DDR1: variants seen among roughly 807,000 people sequenced by gnomAD.
DDR1 encodes epithelial discoidin domain-containing receptor 1.
A neutral mutation model predicts 97.4 loss-of-function variants in DDR1; 64 were observed. The ratio of observed to expected loss-of-function variants is 0.66; its 90% CI spans 0.54 to 0.81. The LOEUF (loss-of-function observed/expected upper bound fraction) is 0.81. Ranked by LOEUF, DDR1 falls within the 30% of genes least tolerant of loss-of-function variation. The pLI, the probability that DDR1 is intolerant of heterozygous loss-of-function variation, is 0.00. For missense variants in DDR1, 990 were observed against 1,259.6 expected, an observed-to-expected ratio of 0.79 and a Z score of 3.24; for synonymous variants, 458 against 503.7, an observed-to-expected ratio of 0.91 and a Z score of 1.21.
In DDR1 at chr6:30,891,558, A is replaced by T. The variant is rs3062688; in HGVS notation, c.665+79A>T. On this transcript the variant is annotated intron_variant, in intron 6 of 17. Coordinates refer to ENST00000376568, the MANE Select transcript of DDR1 (RefSeq NM_001297654.2). This position sits in a 1 kb window ranked among gnomAD's most constrained non-coding sequence, Gnocchi z 5.3. ...GTGTGTGTGTGTGTGTGTGTGTGTG[A>T]GAGTGTGTGTGTGTAGGGGGGCTGG... 741,433 of 893,820 alleles carry T rather than the reference A, an allele frequency of 0.83. 305,408 individuals carry two copies. Among genetic ancestry groups the T allele is most frequent in the South Asian group, 0.94 (60,505 of 64,646 alleles). The allele number at this position is 893,820 out of a possible 1,614,324, so 55.4% of individuals were successfully genotyped here. A position where few individuals can be genotyped will look rare whatever the true frequency, so the allele number is the denominator to read the frequency against.
At chr6:30,892,827 G>C in intron 8 of DDR1, 1 of 585,768 alleles carries the variant, frequency 1.7e-6, no homozygotes, top group South Asian at 2.3e-5. Flanking sequence ...TTGAGAAATA[G>C]CCTCTTCTCT....
chr6:30,895,057 ATCTG>A (rs1193827865), intron 11 of DDR1, among the ~76,000 whole-genome samples: 3 of 151,970 alleles, frequency 2.0e-5, no homozygotes, highest in Non-Finnish European at 4.4e-5. Context: ...ATCTTCCATC[ATCTG>A]TCTTTCTATC....
chr6:30,891,870 G>A lies in DDR1; in HGVS notation c.666-132G>A. 2.1e-6 allele frequency: 2 copies of A among 946,362 alleles called. No individual in the cohort carries two copies. The highest frequency in any genetic ancestry group is 3.3e-6 in the Non-Finnish European group (2 of 602,730). The allele number at this position is 946,362 out of a possible 1,614,324, so 58.6% of individuals were successfully genotyped here. ...GGCCAGCTGCATGAGTGTGAGGTGG[G>A]ATGGGAATGGGACTAGTGGATGGGA... On this transcript the variant is annotated intron_variant, in intron 6 of 17. Transcript: ENST00000376568. The surrounding 1 kb of genome is among the most constrained non-coding windows in gnomAD (Gnocchi z 5.3).
rs936180082 is a variant in DDR1, at chr6:30,894,926, C to T, written c.1513+255C>T. Among the ~76,000 whole-genome samples the T allele has an allele frequency of 2.0e-5, 3 of 151,942 alleles. No individual in the cohort carries two copies. Among genetic ancestry groups the T allele is most frequent in the Non-Finnish European group, 4.4e-5 (3 of 68,000 alleles). ...AGACATCTCTCTATCTTTGTTGTAC[C>T]CTCTCATTGTGTCTCCCTGGCCCCT... On this transcript the variant is annotated intron_variant, in intron 11 of 17. Coordinates refer to ENST00000376568, the MANE Select transcript of DDR1 (RefSeq NM_001297654.2). The surrounding 1 kb of genome is among the most constrained non-coding windows in gnomAD (Gnocchi z 5.7).
intron 8 of DDR1, 44 bp from the exon 9 acceptor site, chr6:30,893,024 C>G: frequency 1.9e-6 from 3 of 1,545,372 alleles, no homozygotes; most frequent in Non-Finnish European, 1.8e-6. Context: ...CTTGGGTCTC[C>G]TCCTCATTTA....
chr6:30,898,744 G>T, intron 16 of DDR1, 144 bp from the exon 17 acceptor site: 2 of 855,952 alleles, frequency 2.3e-6, no homozygotes, highest in Non-Finnish European at 3.7e-6. Flanking sequence ...AAGGTGGCCA[G>T]CGGAGGAGAG....
chr6:30,886,313 G>A lies in DDR1; in HGVS notation c.-43+1603G>A, dbSNP rs6901464. Among the ~76,000 whole-genome samples the A allele has an allele frequency of 6.6e-6, 1 of 151,918 alleles. No homozygotes were observed. Among genetic ancestry groups the A allele is most frequent in the Non-Finnish European group, 1.5e-5 (1 of 67,972 alleles). ...GGAACAAGAGCCCCGCTGTTCCCGA[G>A]AGAGGTGGGGTTGGAGAGCGGCACC... On this transcript the variant is annotated intron_variant, in intron 1 of 17. Coordinates refer to ENST00000376568, the MANE Select transcript of DDR1 (RefSeq NM_001297654.2). This position sits in a 1 kb window ranked among gnomAD's most constrained non-coding sequence, Gnocchi z 4.6.
chr6:30,889,447 C>G lies in DDR1; in HGVS notation c.417+17C>G, dbSNP rs1445661068. 6.7e-7 allele frequency: 1 copy of G among 1,492,512 alleles called. No individual in the cohort carries two copies. The highest frequency in any genetic ancestry group is 8.9e-7 in the Non-Finnish European group (1 of 1,121,824). The allele number at this position is 1,492,512 out of a possible 1,614,324, so 92.5% of individuals were successfully genotyped here. A position where few individuals can be genotyped will look rare whatever the true frequency, so the allele number is the denominator to read the frequency against. ...GGTCAGGAGGTGAGACTGGCAGGGG[C>G]AGCACCCAGAGGAGGTTGGCTCTCC... On this transcript the variant is annotated intron_variant, in intron 4 of 17. Transcript: ENST00000376568. This position sits in a 1 kb window ranked among gnomAD's most constrained non-coding sequence, Gnocchi z 4.9.
At position 30,893,411 on chromosome 6, in the gene DDR1, G is replaced by T; in HGVS notation, c.1335G>T (p.Arg445Ser). Residue 445 changes from arginine (R) to serine (S), a missense_variant, in exon 10 of 18, where the codon AGG (arginine) becomes AGT (serine). Transcript: ENST00000376568. ...TGCTCTGGCGGCTGCACTGGCGCAGGCTCCTCAGCAAGGTGGGCACAGCCG... is the reference window on the plus strand; with the variant it reads ...TGCTCTGGCGGCTGCACTGGCGCAGTCTCCTCAGCAAGGTGGGCACAGCCG... ...ALMLWRLHWR[R>S]LLSKAERRVL... 2 of 1,604,118 alleles carry T rather than the reference G, an allele frequency of 1.2e-6. No individual in the cohort carries two copies. Among genetic ancestry groups the T allele is most frequent in the Non-Finnish European group, 1.7e-6 (2 of 1,179,584 alleles).
Position 30,899,366 on chromosome 6 carries a change from C to T in DDR1, c.*70C>T. 6.5e-7 allele frequency: 1 copy of T among 1,534,934 alleles called. No homozygotes were observed. Among genetic ancestry groups the T allele is most frequent in the African/African-American group, 1.4e-5 (1 of 73,042 alleles). ...AGCCAGTGACACTAAAACAAGAGGA[C>T]ACAATGGCACCTCTGCCCTTCCCCT... On this transcript the variant is annotated 3_prime_UTR_variant, in exon 18 of 18. Coordinates refer to ENST00000376568, the MANE Select transcript of DDR1 (RefSeq NM_001297654.2).
rs560023700 is a variant in DDR1 at position 30,893,463 on chromosome 6, C to G, written c.1347+40C>G. 3 of 1,572,886 alleles carry G rather than the reference C, an allele frequency of 1.9e-6. No individual in the cohort carries two copies. The East Asian group carries it at 6.9e-5, about 36-fold the overall frequency. On this transcript the variant is annotated intron_variant, in intron 10 of 17. Coordinates refer to ENST00000376568, the MANE Select transcript of DDR1 (RefSeq NM_001297654.2). ...GGCATGTGGAGTGGCGGGGGGAGGC[C>G]AGGCCCCAGCACGAGCCAGCGTCCA...
chr6:30,890,643 AGGG>A lies in DDR1; in HGVS notation c.418-328_418-326del. On this transcript the variant is annotated intron_variant, in intron 4 of 17. Coordinates refer to ENST00000376568, the MANE Select transcript of DDR1 (RefSeq NM_001297654.2). The surrounding 1 kb of genome is among the most constrained non-coding windows in gnomAD (Gnocchi z 5.0). ...GCTGAAATGAAGGGGAAGCTGAGGC[AGGG>A]GTGCAGGGCTGTGAGGATTGGGGAG... The A allele has an allele frequency of 3.4e-6, 1 of 291,876 alleles. No homozygotes were observed. The highest frequency in any genetic ancestry group is 6.3e-6 in the Non-Finnish European group (1 of 159,202). The allele number at this position is 291,876 out of a possible 1,614,324, so 18.1% of individuals were successfully genotyped here.
intron 12 of DDR1, 111 bp from the exon 13 acceptor site, chr6:30,896,510 C>G (rs1339748587): frequency 7.3e-7 from 1 of 1,372,094 alleles, no homozygotes; most frequent in African/African-American, 1.5e-5. Flanking sequence ...GACCCAGTCT[C>G]TCACTCAACC....
chr6:30,894,660 C>T lies in DDR1; in HGVS notation c.1502C>T (p.Pro501Leu), dbSNP rs144638340. Residue 501 changes from proline to leucine, a missense_variant, in exon 11 of 18, where the codon CCC (proline) becomes CTC (leucine). Pro to Leu is a moderately conservative substitution (Grantham distance 98). Coordinates refer to ENST00000376568, the MANE Select transcript of DDR1 (RefSeq NM_001297654.2). The surrounding 1 kb of genome is among the most constrained non-coding windows in gnomAD (Gnocchi z 5.7). ...CCGCCCCACTCCGCTCCCTGTGTCC[C>T]CAATGGCTCTGGTAAGACCTGCCTT... Reference protein sequence around the residue: ...GNPPHSAPCVPNGSALLLSNP... With the variant: ...GNPPHSAPCVLNGSALLLSNP... The T allele has an allele frequency of 5.7e-5, 91 of 1,603,378 alleles. No homozygotes were observed. Among genetic ancestry groups the T allele is most frequent in the Middle Eastern group, 1.7e-4 (1 of 6,016 alleles).
intron 12 of DDR1, among the ~76,000 whole-genome samples, chr6:30,895,939 C>T (rs188048094): frequency 8.4e-4 from 128 of 152,296 alleles, no homozygotes; most frequent in African/African-American, 2.8e-3. Flanking sequence ...GGTGAAGGCT[C>T]ATGCCCCAAC....
chr6:30,891,625 A>G lies in DDR1; in HGVS notation c.665+146A>G, dbSNP rs1352141009. On this transcript the variant is annotated intron_variant, in intron 6 of 17. Transcript: ENST00000376568. This position sits in a 1 kb window ranked among gnomAD's most constrained non-coding sequence, Gnocchi z 5.3. ...TGAGATGGAAGAGCTGAGAAGAGGGATGGGTTAGGTGGGGCCTCAAAGGGT... is the reference window on the plus strand; with the variant it reads ...TGAGATGGAAGAGCTGAGAAGAGGGGTGGGTTAGGTGGGGCCTCAAAGGGT... The G allele has an allele frequency of 1.5e-6, 1 of 680,754 alleles. No individual in the cohort carries two copies. The highest frequency in any genetic ancestry group is 2.5e-6 in the Non-Finnish European group (1 of 393,498). The allele number at this position is 680,754 out of a possible 1,614,324, so 42.2% of individuals were successfully genotyped here. A position where few individuals can be genotyped will look rare whatever the true frequency, so the allele number is the denominator to read the frequency against.
rs372114087 is a variant in DDR1 at position 30,893,376 on chromosome 6, A to G, written c.1300A>G (p.Ile434Val). The G allele has an allele frequency of 1.1e-5, 17 of 1,607,736 alleles. No homozygotes were observed. In the African/African-American group the frequency reaches 1.7e-4, roughly 16 times the overall value. ...VAIILLLLLI[I>V]ALMLWRLHWR... Reference sequence around the variant, plus strand: ...CATCATCCTGCTCCTGCTGCTCATCATTGCCCTCATGCTCTGGCGGCTGCA... The same window carrying G: ...CATCATCCTGCTCCTGCTGCTCATCGTTGCCCTCATGCTCTGGCGGCTGCA... Residue 434 changes from isoleucine (I) to valine (V), a missense_variant, in exon 10 of 18, where the codon ATT becomes GTT. By Grantham distance (29) the Ile-to-Val change is conservative. Transcript: ENST00000376568.
At position 30,894,614 on chromosome 6, in the gene DDR1, G is replaced by A. The variant is rs771047020; in HGVS notation, c.1456G>A (p.Glu486Lys). 59 of 1,612,886 alleles carry A rather than the reference G, an allele frequency of 3.7e-5. No homozygotes were observed. Among genetic ancestry groups the A allele is most frequent in the Non-Finnish European group, 5.0e-5 (59 of 1,179,496 alleles). Reference protein sequence around the residue: ...PGPREPPPYQEPRPRGNPPHS... With the variant: ...PGPREPPPYQKPRPRGNPPHS... ...TCCTAGAGAGCCACCCCCGTACCAG[G>A]AGCCCCGGCCTCGTGGGAATCCGCC... is the stretch of plus-strand genomic sequence containing the variant. Residue 486 changes from glutamate to lysine, a missense_variant, in exon 11 of 18, where the codon GAG becomes AAG. Physicochemically the swap from Glu to Lys is moderately conservative, Grantham distance 56 (BLOSUM62 1). Transcript: ENST00000376568. The surrounding 1 kb of genome is among the most constrained non-coding windows in gnomAD (Gnocchi z 5.7).
At chr6:30,885,089 TA>T in intron 1 of DDR1, 2 of 1,069,212 alleles carry the variant, frequency 1.9e-6, no homozygotes, top group Non-Finnish European at 2.7e-6. Context: ...ATCTAACTGC[TA>T]AGCCTCCGCT....
Sources: gnomAD v4.1 joint callset for allele counts (sites outside exome capture counted in the v4.1 genomes callset) on GRCh38, gnomAD v4.1.1 for gene constraint, Gnocchi (gnomAD v3.1) non-coding constraint, MANE v1.5 for transcripts, NCBI Gene and HGNC (gene_info 2026-07-23, HGNC 2026-07-21) for gene names.